Variants in ROBO2 observed in about 807,000 individuals in gnomAD.
ROBO2 encodes the protein roundabout homolog 2.
ROBO2 carries 53 observed loss-of-function variants against 160.8 expected under a neutral mutation model. That is an observed-to-expected ratio of 0.33 (90% CI 0.26 to 0.41). ROBO2 has a LOEUF of 0.41. ROBO2 is among the 10% of genes least tolerant of loss of function. The pLI is 1.00. For synonymous variants in ROBO2, 664 were observed against 611.7 expected, an observed-to-expected ratio of 1.09 and a Z score of -1.26; for missense variants, 1,577 against 1,722.4, an observed-to-expected ratio of 0.92 and a Z score of 1.49.
intron 2 of ROBO2, among the ~76,000 whole-genome samples, chr3:76,547,674 T>C (rs1181154009): frequency 6.6e-6 from 1 of 152,112 alleles, no homozygotes; most frequent in African/African-American, 2.4e-5. Flanking sequence ...TACTTCTAAT[T>C]ACCTCTATGC....
chr3:77,339,774 A>G (rs1030515730), intron 2 of ROBO2, among the ~76,000 whole-genome samples: 3 of 151,922 alleles, frequency 2.0e-5, no homozygotes, highest in South Asian at 2.1e-4. Flanking sequence ...AAAAAAAAAG[A>G]GTTGGAGTGG....
At position 76,618,090 on chromosome 3, in the gene ROBO2, TGTCTCCA is replaced by T. The variant is rs1300503826; in HGVS notation, c.110-479920_110-479914del. 1.1e-4 allele frequency among the ~76,000 whole-genome samples: 16 copies of T among 151,620 alleles called. 2 individuals are homozygous for T. The highest frequency in any genetic ancestry group is 3.7e-4 in the African/African-American group (15 of 41,048). On this transcript the variant is annotated intron_variant, in intron 2 of 26. Transcript: ENST00000487694. Reference sequence around the variant, plus strand: ...GCTTCCTAGAAGAATAATTATACTTTGTCTCCAGTCACAGCAAAGACTCACAAACCAG... The same window carrying T: ...GCTTCCTAGAAGAATAATTATACTTTGTCACAGCAAAGACTCACAAACCAG...
At chr3:77,313,398 A>G (rs1211841965) in intron 2 of ROBO2, among the ~76,000 whole-genome samples, 1 of 152,150 alleles carries the variant, frequency 6.6e-6, no homozygotes, top group Non-Finnish European at 1.5e-5. Flanking sequence ...CCTTCTAACT[A>G]TCTGAAATTA....
chr3:76,061,361 A>G (rs1017718962), intron 2 of ROBO2, among the ~76,000 whole-genome samples: 3 of 152,188 alleles, frequency 2.0e-5, no homozygotes, highest in Non-Finnish European at 2.9e-5. Flanking sequence ...TCTGTGTTTA[A>G]GTACAGTCTC....
chr3:77,415,405 C>A (rs558296239), intron 2 of ROBO2, among the ~76,000 whole-genome samples: 8 of 152,252 alleles, frequency 5.3e-5, no homozygotes, highest in Admixed American at 2.6e-4. Context: ...CTGTATGGAG[C>A]AGAGGCTGGC....
At chr3:76,834,284 C>A (rs2067469341) in intron 2 of ROBO2, among the ~76,000 whole-genome samples, 1 of 150,874 alleles carries the variant, frequency 6.6e-6, no homozygotes, top group Non-Finnish European at 1.5e-5. Context: ...AGCTCCTGGG[C>A]TCAAGGGATC....
At chr3:76,867,183 T>C (rs928127153) in intron 2 of ROBO2, among the ~76,000 whole-genome samples, 1 of 152,278 alleles carries the variant, frequency 6.6e-6, no homozygotes, top group Admixed American at 6.5e-5. Flanking sequence ...AAATAACATA[T>C]AATGGACTAT....
chr3:76,827,594 C>A (rs939236162), intron 2 of ROBO2, among the ~76,000 whole-genome samples: 1 of 152,148 alleles, frequency 6.6e-6, no homozygotes, highest in East Asian at 1.9e-4. Flanking sequence ...AGTTTAATGA[C>A]ATAGTCATAA....
chr3:77,627,213 T>C (rs2095046421), intron 23 of ROBO2, among the ~76,000 whole-genome samples: 2 of 152,180 alleles, frequency 1.3e-5, no homozygotes. Flanking sequence ...TCAAGCATCG[T>C]ATGTCCTAAT....
At chr3:77,510,663 C>A (rs2089280556) in intron 5 of ROBO2, among the ~76,000 whole-genome samples, 1 of 151,936 alleles carries the variant, frequency 6.6e-6, no homozygotes, top group Non-Finnish European at 1.5e-5. Context: ...TGAGATAGGG[C>A]CTGTTAATTA....
chr3:77,151,961 C>T (rs942428490), intron 2 of ROBO2, among the ~76,000 whole-genome samples: 2 of 152,084 alleles, frequency 1.3e-5, no homozygotes, highest in East Asian at 3.9e-4. Context: ...ATTTCTAGTA[C>T]ACACTTTCTA....
At chr3:76,906,403 C>T (rs138486387) in intron 2 of ROBO2, among the ~76,000 whole-genome samples, 45 of 151,748 alleles carry the variant, frequency 3.0e-4, no homozygotes, top group African/African-American at 9.4e-4. Flanking sequence ...ATAGCAATAA[C>T]GATTTGCAAA....
At chr3:76,067,512 A>G (rs907748379) in intron 2 of ROBO2, among the ~76,000 whole-genome samples, 2 of 150,288 alleles carry the variant, frequency 1.3e-5, no homozygotes, top group Non-Finnish European at 3.0e-5. Flanking sequence ...AAAAAAAACT[A>G]TTGTTTACCT....
intron 2 of ROBO2, among the ~76,000 whole-genome samples, chr3:77,152,138 G>A (rs953346744): frequency 1.4e-4 from 21 of 152,116 alleles, no homozygotes; most frequent in African/African-American, 5.1e-4. Context: ...CCTGTTCACA[G>A]CTGTAGATTA....
At chr3:77,334,599 G>T (rs918165781) in intron 2 of ROBO2, among the ~76,000 whole-genome samples, 1 of 152,142 alleles carries the variant, frequency 6.6e-6, no homozygotes, top group African/African-American at 2.4e-5. Flanking sequence ...TACTTCTAAA[G>T]CTCTGGGATA....
intron 2 of ROBO2, among the ~76,000 whole-genome samples, chr3:76,555,362 AGAAGAAGAAGAAGAAGAAGAAGAAGAAG>A (rs1410900583): frequency 3.5e-3 from 178 of 50,544 alleles, no homozygotes; most frequent in Non-Finnish European, 7.2e-3. Context: ...GGAAGAGAGA[AGAAGAAGAAGAAGAAGAAGAAGAAGAAG>A]AAGAAGAAGA....
chr3:77,005,312 A>G (rs1192770494), intron 2 of ROBO2, among the ~76,000 whole-genome samples: 1 of 152,196 alleles, frequency 6.6e-6, no homozygotes, highest in Non-Finnish European at 1.5e-5. Context: ...ATTTGTAATG[A>G]CGAGCACCAA....
intron 2 of ROBO2, among the ~76,000 whole-genome samples, chr3:76,075,005 G>A (rs2068597838): frequency 6.6e-6 from 1 of 152,116 alleles, no homozygotes; most frequent in African/African-American, 2.4e-5. Context: ...TAATCCATTA[G>A]GAATGAATAC....
intron 2 of ROBO2, among the ~76,000 whole-genome samples, chr3:76,324,462 G>A (rs2072842474): frequency 6.6e-6 from 1 of 152,206 alleles, no homozygotes; most frequent in Admixed American, 6.5e-5. Context: ...GTTTGGAACA[G>A]TTGATAAGGC....
Sources: gnomAD v4.1 joint callset for allele counts (sites outside exome capture counted in the v4.1 genomes callset) on GRCh38, gnomAD v4.1.1 for gene constraint, MANE v1.5 for transcripts, NCBI Gene and HGNC (gene_info 2026-07-23, HGNC 2026-07-21) for gene names.